Variants in WARS1 observed in about 807,000 individuals in gnomAD.
The protein encoded by WARS1 is tryptophanyl-tRNA synthetase 1.
A neutral mutation model predicts 47.8 loss-of-function variants in WARS1; 17 were observed. That is an observed-to-expected ratio of 0.36 (90% CI 0.24 to 0.53). The LOEUF (loss-of-function observed/expected upper bound fraction) is 0.53, where lower values mean the gene tolerates loss of function less well. WARS1 is among the 20% of genes least tolerant of loss of function. The pLI is 0.91. For synonymous variants in WARS1, 208 were observed against 228.1 expected, an observed-to-expected ratio of 0.91 and a Z score of 0.79; for missense variants, 434 against 608.0, an observed-to-expected ratio of 0.71 and a Z score of 3.01.
rs377746467 is a variant in WARS1 at position 100,346,763 on chromosome 14, G to A, written c.809C>T (p.Thr270Ile). 6.2e-6 allele frequency: 10 copies of A among 1,614,034 alleles called. No individual in the cohort carries two copies. In the African/African-American group the frequency reaches 8.0e-5, roughly 13 times the overall value. The change falls in exon 7 of 11, where the codon ACT becomes ATT. Residue 270 changes from threonine (T) to isoleucine (I), a missense_variant. Around this residue, in one of 2 missense-constraint regions of WARS1, gnomAD observed 347 missense variants for 523.8 expected, o/e 0.66. Coordinates refer to ENST00000392882, the MANE Select transcript of WARS1 (RefSeq NM_004184.4). ...CCTCTTACCAATGCAGTCGCTGTCA[G>A]TGAAGCCGAAAATGCCTTTCACTTG... is the stretch of plus-strand genomic sequence containing the variant. ...FNQVKGIFGFTDSDCIGKISF... is the reference protein window; with the variant it reads ...FNQVKGIFGFIDSDCIGKISF...
intron 9 of WARS1, among the ~76,000 whole-genome samples, chr14:100,340,986 C>T (rs1327412001): frequency 1.3e-5 from 2 of 149,468 alleles, no homozygotes; most frequent in African/African-American, 4.9e-5. Flanking sequence ...GCGATCTCGG[C>T]TCACTGCAAC....
At chr14:100,346,925 T>C in intron 6 of WARS1, 79 bp from the exon 7 acceptor site, 1 of 1,287,694 alleles carries the variant, frequency 7.8e-7, no homozygotes, top group East Asian at 2.4e-5. Context: ...TAAAATTGGA[T>C]GCCAATGAGT....
chr14:100,342,715 CTTTT>C, intron 8 of WARS1, 144 bp from the exon 9 acceptor site: 1 of 581,462 alleles, frequency 1.7e-6, no homozygotes, highest in Non-Finnish European at 2.7e-6. Context: ...TCATCTTTTC[CTTTT>C]TTTTTTTTAA....
At chr14:100,340,177 G>A (rs1894066794) in intron 9 of WARS1, 1 of 152,212 alleles carries the variant, frequency 6.6e-6, no homozygotes, top group Admixed American at 6.5e-5. Context: ...CGAGAACTGA[G>A]GGGCTCAGTT....
chr14:100,369,147 G>T lies in WARS1; in HGVS notation c.39C>A (p.Phe13Leu). ...NSEPASLLEL[F>L]NSIATQGELV... ...GCTCCCCTTGTGTGGCGATGCTGTT[G>T]AACAGCTCCAGCAGAGATGCGGGCT... Residue 13 changes from phenylalanine (F) to leucine (L), a missense_variant, in exon 2 of 11, where the codon TTC (phenylalanine) becomes TTA (leucine). Coordinates refer to ENST00000392882, the MANE Select transcript of WARS1 (RefSeq NM_004184.4). The T allele has an allele frequency of 6.5e-7, 1 of 1,548,834 alleles. No homozygotes were observed. Among genetic ancestry groups the T allele is most frequent in the South Asian group, 1.2e-5 (1 of 86,674 alleles).
At chr14:100,342,899 CTT>C (rs1254433463) in intron 8 of WARS1, among the ~76,000 whole-genome samples, 2 of 151,936 alleles carry the variant, frequency 1.3e-5, no homozygotes, top group Admixed American at 6.6e-5. Flanking sequence ...CACTCCCCAA[CTT>C]TCTTTCCTTT....
At chr14:100,374,287 A>G (rs1409864226) in intron 1 of WARS1, 1 of 152,376 alleles carries the variant, frequency 6.6e-6, no homozygotes, top group East Asian at 1.9e-4. Flanking sequence ...AAATGCAGTT[A>G]TAACCAGTGA....
rs760875748 is a variant in WARS1, at chr14:100,343,246, T to C, written c.939+29A>G. The C allele has an allele frequency of 3.2e-6, 5 of 1,576,796 alleles. No individual in the cohort carries two copies. In the Admixed American group the frequency reaches 7.0e-5, roughly 22 times the overall value. The stretch of plus-strand genomic sequence containing the variant: ...GAACCTGCTGTCAATGCCCCAGACT[T>C]AGAGAGCCTTGCTTTTCTGCCTGCT... On this transcript the variant is annotated intron_variant, in intron 8 of 10. Transcript: ENST00000392882.
At chr14:100,346,901 A>T in intron 6 of WARS1, 55 bp from the exon 7 acceptor site, 1 of 1,479,512 alleles carries the variant, frequency 6.8e-7, no homozygotes, top group Non-Finnish European at 9.4e-7. Flanking sequence ...CACTGAAGGC[A>T]AAGTCACAGT....
At chr14:100,348,936 G>A (rs1443158119) in intron 6 of WARS1, among the ~76,000 whole-genome samples, 3 of 152,208 alleles carry the variant, frequency 2.0e-5, no homozygotes, top group Non-Finnish European at 4.4e-5. Context: ...CCGTGAGCAC[G>A]TGTGATCCTC....
At chr14:100,363,444 C>T (rs1291735457) in intron 2 of WARS1, among the ~76,000 whole-genome samples, 2 of 152,040 alleles carry the variant, frequency 1.3e-5, no homozygotes, top group Admixed American at 6.5e-5. Flanking sequence ...ACCTGTAATC[C>T]CAGCACTTTG....
chr14:100,357,483 G>A (rs1261729855), intron 4 of WARS1, among the ~76,000 whole-genome samples: 2 of 150,638 alleles, frequency 1.3e-5, no homozygotes, highest in Non-Finnish European at 3.0e-5. Context: ...TTTTTTGAGA[G>A]GGAGTTTTGC....
At chr14:100,365,301 C>T (rs1160990008) in intron 2 of WARS1, among the ~76,000 whole-genome samples, 4 of 151,776 alleles carry the variant, frequency 2.6e-5, no homozygotes, top group East Asian at 1.9e-4. Flanking sequence ...GAAGTCGGGC[C>T]GGGCGTGGTG....
At chr14:100,352,457 C>T (rs1895059341) in intron 6 of WARS1, among the ~76,000 whole-genome samples, 1 of 152,182 alleles carries the variant, frequency 6.6e-6, no homozygotes, top group Admixed American at 6.5e-5. Context: ...AGGGAACGTT[C>T]TGGGGATGCG....
rs765236267 is a variant in WARS1 at position 100,354,527 on chromosome 14, C to A, written c.462G>T (p.Lys154Asn). Residue 154 changes from lysine (K) to asparagine (N), a missense_variant, in exon 5 of 11, where the codon AAG becomes AAT. Coordinates refer to ENST00000392882, the MANE Select transcript of WARS1 (RefSeq NM_004184.4). ...CCCGGCCCGTGTACAGATAAAATGG[C>A]TTCTTATTTTCATAGGCATCAAGAA... ...NQVLDAYENK[K>N]PFYLYTGRGP... is the part of the protein sequence containing the mutation. 2 of 1,613,764 alleles carry A rather than the reference C, an allele frequency of 1.2e-6. No homozygotes were observed. Among genetic ancestry groups the A allele is most frequent in the South Asian group, 2.2e-5 (2 of 90,974 alleles).
At chr14:100,341,098 A>G (rs1272989066) in intron 9 of WARS1, among the ~76,000 whole-genome samples, 1 of 151,828 alleles carries the variant, frequency 6.6e-6, no homozygotes, top group Non-Finnish European at 1.5e-5. Flanking sequence ...TATTTTTAGT[A>G]GAGACAGGAG....
chr14:100,346,001 A>G (rs1003797636), intron 7 of WARS1, among the ~76,000 whole-genome samples: 2 of 152,226 alleles, frequency 1.3e-5, no homozygotes, highest in Non-Finnish European at 2.9e-5. Context: ...AGCGCATCCC[A>G]GGGAGCTGGC....
At position 100,356,399 on chromosome 14, in the gene WARS1, G is replaced by GT. The variant is rs961197719; in HGVS notation, c.423-1834_423-1833insA. Among the ~76,000 whole-genome samples the GT allele has an allele frequency of 4.4e-3, 309 of 69,960 alleles. 13 individuals are homozygous for GT. Among genetic ancestry groups the GT allele is most frequent in the East Asian group, 9.6e-3 (23 of 2,396 alleles). 45.9% of individuals were successfully genotyped at this position (69,960 alleles called of 152,430 possible). ...AGTGACTGGGTGTGTGTGTGTGTGT[G>GT]GGGGGGGGTGTGGAATAAAAGAGAA... On this transcript the variant is annotated intron_variant, in intron 4 of 10. Transcript: ENST00000392882.
At chr14:100,345,836 C>T (rs1894577275) in intron 7 of WARS1, among the ~76,000 whole-genome samples, 1 of 152,232 alleles carries the variant, frequency 6.6e-6, no homozygotes, top group Non-Finnish European at 1.5e-5. Context: ...CACGCCAGCC[C>T]CCACCAAGTG....
Sources: gnomAD v4.1 joint callset for allele counts (sites outside exome capture counted in the v4.1 genomes callset) on GRCh38, gnomAD v4.1.1 for gene constraint, gnomAD v4.1.1 regional missense constraint, MANE v1.5 for transcripts, NCBI Gene and HGNC (gene_info 2026-07-23, HGNC 2026-07-21) for gene names.